Variants in MXD1 observed in about 807,000 individuals in gnomAD.
The protein encoded by MXD1 is MAX dimerization protein 1, also known as MAX-binding protein.
In MXD1, 9 loss-of-function variants were observed where a neutral mutation model predicts 25.7. The observed-to-expected ratio is 0.35, with a 90% CI of 0.21 to 0.61. The LOEUF (loss-of-function observed/expected upper bound fraction) is 0.61, where lower values mean the gene tolerates loss of function less well. Among genes scored for constraint, MXD1 ranks in the 20% least tolerant of loss-of-function variants. The probability of loss-of-function intolerance (pLI) is 0.75; values close to 1 mark genes in which losing one functional copy is unlikely to be tolerated. For synonymous variants in MXD1, 99 were observed against 113.9 expected (o/e 0.87, Z 0.83); for missense variants, 227 against 292.4 (o/e 0.78, Z 1.63).
rs1677591376 is a variant in MXD1 at position 69,941,173 on chromosome 2, CTT to C, written c.*2890_*2891del. 6.6e-6 allele frequency: 1 copy of C among 152,308 alleles called. No homozygotes were observed. The highest frequency in any genetic ancestry group is 2.4e-5 in the African/African-American group (1 of 41,580). 9.4% of individuals were successfully genotyped at this position (152,308 alleles called of 1,614,324 possible). ...AAACTAAAAAAATCTAAACTGCACT[CTT>C]ATTGATACCATCATAACGCAAGTGG... On this transcript the variant is annotated 3_prime_UTR_variant, in exon 6 of 6. Transcript: ENST00000264444.
chr2:69,923,580 T>TTGTG (rs1175186926), intron 3 of MXD1, among the ~76,000 whole-genome samples: 2 of 108,708 alleles, frequency 1.8e-5, no homozygotes, highest in Admixed American at 1.7e-4. Context: ...CTATGGAATT[T>TTGTG]CGTGTGTGTG....
At chr2:69,931,327 C>T (rs1677277723) in intron 3 of MXD1, among the ~76,000 whole-genome samples, 1 of 152,032 alleles carries the variant, frequency 6.6e-6, no homozygotes, top group South Asian at 2.1e-4. Flanking sequence ...TCCTGCCCAC[C>T]CCCGCTACCT....
intron 3 of MXD1, among the ~76,000 whole-genome samples, chr2:69,922,252 G>C (rs1677080809): frequency 6.6e-6 from 1 of 152,218 alleles, no homozygotes; most frequent in Non-Finnish European, 1.5e-5. Context: ...ATGCATGGCA[G>C]AAATTGGAGA....
chr2:69,922,563 T>C (rs1677086836), intron 3 of MXD1, among the ~76,000 whole-genome samples: 2 of 152,214 alleles, frequency 1.3e-5, no homozygotes, highest in Non-Finnish European at 2.9e-5. Context: ...GCTGATTCTA[T>C]AAAATAACTT....
At chr2:69,936,119 C>G (rs1677432546) in intron 4 of MXD1, among the ~76,000 whole-genome samples, 1 of 152,030 alleles carries the variant, frequency 6.6e-6, no homozygotes, top group African/African-American at 2.4e-5. Flanking sequence ...ACTTTCCTCT[C>G]TCTTCTTCAC....
In MXD1 at chr2:69,938,215, G is replaced by A; in HGVS notation, c.597G>A (p.Glu199=). ...GCATGCAGAGCCTCGGCAGTGATGA[G>A]GGCTATTCCAGCACCAGCATCAAGA... The part of the protein sequence containing the change: ...RGSMQSLGSD[E]GYSSTSIKRI... The change falls in exon 6 of 6, where the codon GAG becomes GAA. Residue 199 remains glutamate (E), a synonymous_variant. Transcript: ENST00000264444. 2 of 1,614,200 alleles carry A rather than the reference G, an allele frequency of 1.2e-6. No homozygotes were observed. The highest frequency in any genetic ancestry group is 1.7e-6 in the Non-Finnish European group (2 of 1,180,042).
chr2:69,937,326 G>T lies in MXD1; in HGVS notation c.410G>T (p.Gly137Val). 1 of 1,614,180 alleles carries T rather than the reference G, an allele frequency of 6.2e-7. No individual in the cohort carries two copies. The highest frequency in any genetic ancestry group is 8.5e-7 in the Non-Finnish European group (1 of 1,180,036). Residue 137 changes from glycine (G) to valine (V), a missense_variant, in exon 5 of 6, where the codon GGC (glycine) becomes GTC (valine). Transcript: ENST00000264444. ...RHLKRQLEKLGIERIRMDSIG... is the reference protein window; with the variant it reads ...RHLKRQLEKLVIERIRMDSIG... ...CTGAAGAGGCAGCTGGAGAAGCTGG[G>T]CATTGAGAGGATCCGGATGGACAGC...
intron 3 of MXD1, among the ~76,000 whole-genome samples, chr2:69,928,986 C>T (rs1191890512): frequency 6.6e-6 from 1 of 152,144 alleles, no homozygotes; most frequent in Admixed American, 6.5e-5. Flanking sequence ...CTCTGCCTCC[C>T]AGGTTCAAGC....
At chr2:69,928,471 T>C (rs1281810605) in intron 3 of MXD1, among the ~76,000 whole-genome samples, 1 of 152,214 alleles carries the variant, frequency 6.6e-6, no homozygotes, top group Non-Finnish European at 1.5e-5. Flanking sequence ...GGTTTGAATA[T>C]AGCTCCTACA....
In MXD1 at chr2:69,938,380, C is replaced by T; in HGVS notation, c.*96C>T. On this transcript the variant is annotated 3_prime_UTR_variant, in exon 6 of 6. Transcript: ENST00000264444. ...TGCCCACAACTCCCTTGCACGTAAACTTCAGTGTCCCACCTTGACCAAAAT... is the reference window on the plus strand; with the variant it reads ...TGCCCACAACTCCCTTGCACGTAAATTTCAGTGTCCCACCTTGACCAAAAT... The T allele has an allele frequency of 7.6e-7, 1 of 1,324,348 alleles. No individual in the cohort carries two copies. 82.0% of individuals were successfully genotyped at this position (1,324,348 alleles called of 1,614,324 possible).
At position 69,939,587 on chromosome 2, in the gene MXD1, T is replaced by G. The variant is rs1363968463; in HGVS notation, c.*1303T>G. On this transcript the variant is annotated 3_prime_UTR_variant, in exon 6 of 6. Transcript: ENST00000264444. ...TTATGACTTTGTGGTTTTATAGATG[T>G]TCTAGAAACTTTGTATGTAGGTATC... 6.5e-6 allele frequency: 1 copy of G among 152,672 alleles called. No individual in the cohort carries two copies. The highest frequency in any genetic ancestry group is 1.5e-5 in the Non-Finnish European group (1 of 68,038). The allele number at this position is 152,672 out of a possible 1,614,324, so 9.5% of individuals were successfully genotyped here.
At position 69,937,328 on chromosome 2, in the gene MXD1, A is replaced by C. The variant is rs751531976; in HGVS notation, c.412A>C (p.Ile138Leu). 6.2e-7 allele frequency: 1 copy of C among 1,614,188 alleles called. No homozygotes were observed. Among genetic ancestry groups the C allele is most frequent in the Non-Finnish European group, 8.5e-7 (1 of 1,180,026 alleles). ...HLKRQLEKLG[I>L]ERIRMDSIGS... ...GAAGAGGCAGCTGGAGAAGCTGGGC[A>C]TTGAGAGGATCCGGATGGACAGCAT... The change falls in exon 5 of 6, where the codon ATT (isoleucine) becomes CTT (leucine). Residue 138 changes from isoleucine (I) to leucine (L), a missense_variant. Physicochemically the swap from Ile to Leu is conservative, Grantham distance 5. Coordinates refer to ENST00000264444, the MANE Select transcript of MXD1 (RefSeq NM_002357.4).
chr2:69,935,540 C>T, intron 4 of MXD1, 75 bp downstream of exon 4: 1 of 997,664 alleles, frequency 1.0e-6, no homozygotes. Flanking sequence ...ATCTCCAGGA[C>T]AGTCCTCTCC....
At chr2:69,937,883 G>A (rs1028866606) in intron 5 of MXD1, among the ~76,000 whole-genome samples, 3 of 152,142 alleles carry the variant, frequency 2.0e-5, no homozygotes, top group African/African-American at 7.2e-5. Flanking sequence ...CAAAGTGCTG[G>A]GATTACAGGC....
chr2:69,939,015 T>G lies in MXD1; in HGVS notation c.*731T>G, dbSNP rs1677532551. On this transcript the variant is annotated 3_prime_UTR_variant, in exon 6 of 6. Transcript: ENST00000264444. ...CGATGTTCTTGGGACCTCGCTGTGTTCTGCTATCTCGAGGCACATTCTCCC... is the reference window on the plus strand; with the variant it reads ...CGATGTTCTTGGGACCTCGCTGTGTGCTGCTATCTCGAGGCACATTCTCCC... 6.6e-6 allele frequency: 1 copy of G among 152,614 alleles called. No individual in the cohort carries two copies. The highest frequency in any genetic ancestry group is 2.4e-5 in the African/African-American group (1 of 41,448). The allele number at this position is 152,614 out of a possible 1,614,324, so 9.5% of individuals were successfully genotyped here.
rs1383846018 is a variant in MXD1 at position 69,938,905 on chromosome 2, G to C, written c.*621G>C. 1 of 152,746 alleles carries C rather than the reference G, an allele frequency of 6.5e-6. No homozygotes were observed. Among genetic ancestry groups the C allele is most frequent in the Non-Finnish European group, 1.5e-5 (1 of 68,140 alleles). The allele number at this position is 152,746 out of a possible 1,614,324, so 9.5% of individuals were successfully genotyped here. On this transcript the variant is annotated 3_prime_UTR_variant, in exon 6 of 6. Transcript: ENST00000264444. ...TTTCTCACTTTAAAATGGACACCTT[G>C]ATAGTGTGTCTCTGGGGTTGCACAG... is the stretch of plus-strand genomic sequence containing the variant.
At position 69,932,636 on chromosome 2, in the gene MXD1, C is replaced by T. The variant is rs376391749; in HGVS notation, c.204-2715C>T. The stretch of plus-strand genomic sequence containing the variant: ...GTCAAATGGCTTATTTCTAGTTTCA[C>T]GACTAGGAGTGTTCTTTGGAAACCC... On this transcript the variant is annotated intron_variant, in intron 3 of 5. Coordinates refer to ENST00000264444, the MANE Select transcript of MXD1 (RefSeq NM_002357.4). 3.9e-5 allele frequency among the ~76,000 whole-genome samples: 6 copies of T among 152,274 alleles called. No homozygotes were observed. In the East Asian group the frequency reaches 5.8e-4, roughly 15 times the overall value.
chr2:69,941,695 G>A lies in MXD1; in HGVS notation c.*3411G>A, dbSNP rs1212023197. On this transcript the variant is annotated 3_prime_UTR_variant, in exon 6 of 6. Transcript: ENST00000264444. ...TTCTGCATCCCCAAAGCGGCCAAGAGCAAATCCTGGGGGATAAGAAAAAAG... is the reference window on the plus strand; with the variant it reads ...TTCTGCATCCCCAAAGCGGCCAAGAACAAATCCTGGGGGATAAGAAAAAAG... 6.6e-6 allele frequency: 1 copy of A among 152,078 alleles called. No homozygotes were observed. Among genetic ancestry groups the A allele is most frequent in the Admixed American group, 6.5e-5 (1 of 15,276 alleles). 9.4% of individuals were successfully genotyped at this position (152,078 alleles called of 1,614,324 possible).
chr2:69,915,525 C>A lies in MXD1; in HGVS notation c.73+122C>A. ...GAGGCGGGGAGACCGCGAGCGCTCCCAACCCCTCTGGCTCTCCCCACGCGC... is the reference window on the plus strand; with the variant it reads ...GAGGCGGGGAGACCGCGAGCGCTCCAAACCCCTCTGGCTCTCCCCACGCGC... On this transcript the variant is annotated intron_variant, in intron 1 of 5. Coordinates refer to ENST00000264444, the MANE Select transcript of MXD1 (RefSeq NM_002357.4). The surrounding 1 kb of genome is among the most constrained non-coding windows in gnomAD (Gnocchi z 5.8). 4.0e-6 allele frequency: 3 copies of A among 741,860 alleles called. No individual in the cohort carries two copies. The highest frequency in any genetic ancestry group is 3.4e-5 in the East Asian group (1 of 29,480). The allele number at this position is 741,860 out of a possible 1,614,324, so 46.0% of individuals were successfully genotyped here. A position where few individuals can be genotyped will look rare whatever the true frequency, so the allele number is the denominator to read the frequency against.
Sources: gnomAD v4.1 joint callset for allele counts (sites outside exome capture counted in the v4.1 genomes callset) on GRCh38, gnomAD v4.1.1 for gene constraint, Gnocchi (gnomAD v3.1) non-coding constraint, MANE v1.5 for transcripts, NCBI Gene and HGNC (gene_info 2026-07-23, HGNC 2026-07-21) for gene names.